Variants in STK10 observed in about 807,000 individuals in gnomAD.
The protein encoded by STK10 is serine/threonine-protein kinase 10.
A neutral mutation model predicts 113.8 loss-of-function variants in STK10; 78 were observed. The observed-to-expected ratio is 0.69, with a 90% CI of 0.57 to 0.83. The LOEUF is 0.83. STK10 is among the 40% of genes least tolerant of loss of function. The probability of loss-of-function intolerance (pLI) is 0.00; values close to 1 mark genes in which losing one functional copy is unlikely to be tolerated. For synonymous variants in STK10, 465 were observed against 494.7 expected, an observed-to-expected ratio of 0.94 and a Z score of 0.80; for missense variants, 1,109 against 1,280.1, an observed-to-expected ratio of 0.87 and a Z score of 2.04.
chr5:172,180,185 C>T lies in STK10; in HGVS notation c.156+7702G>A, dbSNP rs113460847. Among the ~76,000 whole-genome samples the T allele has an allele frequency of 8.0e-3, 1,215 of 152,290 alleles. 24 individuals carry two copies. Among genetic ancestry groups the T allele is most frequent in the African/African-American group, 0.027 (1,139 of 41,566 alleles). ...TTCCCTTTGAAAGTCCGGCCTAGGC[C>T]GGGCGTGGTGGCTCACGCCTGTAAT... On this transcript the variant is annotated intron_variant, in intron 1 of 18. Transcript: ENST00000176763.
rs371270215 is a variant in STK10, at chr5:172,096,429, G to T, written c.1002C>A (p.Ala334=). The change falls in exon 8 of 19, where the codon GCC becomes GCA. Residue 334 remains alanine (A), a synonymous_variant. Transcript: ENST00000176763. ...EGEEEDAVDA[A]STLENHTQNS... ...GCCCCACTCTCCCTGGCCTTACGGA[G>T]GCGGCATCCACGGCGTCCTCCTCTT... 30 of 1,612,122 alleles carry T rather than the reference G, an allele frequency of 1.9e-5. 1 individual carries two copies. In the South Asian group the frequency reaches 3.3e-4, roughly 18 times the overall value.
intron 3 of STK10, among the ~76,000 whole-genome samples, chr5:172,121,534 C>T (rs554784912): frequency 5.3e-5 from 8 of 150,374 alleles, no homozygotes; most frequent in African/African-American, 1.7e-4. Flanking sequence ...TGGCAGGGCG[C>T]GGTGGCTCAC....
chr5:172,047,303 G>T (rs1227379254), intron 18 of STK10, among the ~76,000 whole-genome samples: 1 of 152,184 alleles, frequency 6.6e-6, no homozygotes, highest in African/African-American at 2.4e-5. Context: ...CCTCCCCTGA[G>T]CCCAGGCCCC....
At chr5:172,067,116 G>A (rs900559591) in intron 12 of STK10, among the ~76,000 whole-genome samples, 5 of 152,166 alleles carry the variant, frequency 3.3e-5, no homozygotes, top group African/African-American at 4.8e-5. Flanking sequence ...CACTTTGGGA[G>A]GCTGGGTGGA....
chr5:172,050,768 A>G (rs934261653), intron 18 of STK10, among the ~76,000 whole-genome samples: 5 of 151,104 alleles, frequency 3.3e-5, no homozygotes, highest in African/African-American at 1.2e-4. Context: ...GCGGGAGTGC[A>G]GTAGTGCAAT....
intron 7 of STK10, among the ~76,000 whole-genome samples, chr5:172,103,602 C>T (rs1769040602): frequency 1.3e-5 from 2 of 152,104 alleles, no homozygotes; most frequent in African/African-American, 4.8e-5. Flanking sequence ...TTCGGGGGGC[C>T]CCAGCCCACT....
chr5:172,079,506 C>G (rs1768383242), intron 12 of STK10, among the ~76,000 whole-genome samples: 1 of 152,018 alleles, frequency 6.6e-6, no homozygotes. Flanking sequence ...TCTGGCTTCT[C>G]TGGAAATTAA....
rs572942635 is a variant in STK10 at position 172,056,685 on chromosome 5, G to T, written c.2337+664C>A. Among the ~76,000 whole-genome samples the T allele has an allele frequency of 3.1e-3, 473 of 150,528 alleles. 1 individual carries two copies. Among genetic ancestry groups the T allele is most frequent in the Non-Finnish European group, 4.4e-3 (298 of 67,614 alleles). On this transcript the variant is annotated intron_variant, in intron 15 of 18. Transcript: ENST00000176763. ...GGGTTTGAGACCAGCCTGGCCAACA[G>T]GGTGAAAGCCCAACTCTGCTAAAAA...
chr5:172,045,141 T>A (rs1767470508), intron 18 of STK10, 119 bp from the exon 19 acceptor site: 1 of 1,440,976 alleles, frequency 6.9e-7, no homozygotes, highest in Non-Finnish European at 9.3e-7. Flanking sequence ...CAGGCCTCAG[T>A]GCTTGAGAAA....
At chr5:172,171,400 C>T (rs2101595) in intron 1 of STK10, among the ~76,000 whole-genome samples, 70,792 of 151,944 alleles carry the variant, frequency 0.47, 18,388 homozygotes, top group African/African-American at 0.72. Flanking sequence ...ATGAGTTATA[C>T]GTGAAAGGCG....
intron 2 of STK10, among the ~76,000 whole-genome samples, chr5:172,149,192 C>A (rs7702537): frequency 0.13 from 19,382 of 152,208 alleles, 1,426 homozygotes; most frequent in South Asian, 0.2. Flanking sequence ...TCCCACAGAA[C>A]TGTGAGGATT....
intron 1 of STK10, among the ~76,000 whole-genome samples, chr5:172,165,351 T>C (rs1248179321): frequency 1.3e-5 from 2 of 152,184 alleles, no homozygotes; most frequent in African/African-American, 2.4e-5. Context: ...CAGGGTCCCA[T>C]CTGTGACACT....
intron 1 of STK10, among the ~76,000 whole-genome samples, chr5:172,158,627 AAAAC>A (rs1167265516): frequency 6.6e-6 from 1 of 152,196 alleles, no homozygotes; most frequent in Non-Finnish European, 1.5e-5. Context: ...ACTCCATCTC[AAAAC>A]AAACAAACAA....
intron 13 of STK10, 182 bp from the exon 14 acceptor site, chr5:172,061,450 C>T (rs1767935666): frequency 2.7e-6 from 2 of 734,128 alleles, no homozygotes; most frequent in Non-Finnish European, 4.2e-6. Flanking sequence ...AACATGTGGG[C>T]TTCATCTGGA....
intron 1 of STK10, among the ~76,000 whole-genome samples, chr5:172,185,471 G>C (rs1253847890): frequency 6.6e-6 from 1 of 152,086 alleles, no homozygotes; most frequent in Non-Finnish European, 1.5e-5. Context: ...GTTTCACCAT[G>C]TTGGCCAGTA....
At chr5:172,119,124 G>C (rs1239864236) in intron 3 of STK10, among the ~76,000 whole-genome samples, 1 of 152,116 alleles carries the variant, frequency 6.6e-6, no homozygotes, top group Non-Finnish European at 1.5e-5. Flanking sequence ...AGATCACTCA[G>C]TGTCCACCGA....
rs770131067 is a variant in STK10, at chr5:172,117,514, C to T, written c.487G>A (p.Val163Met). 24 of 1,612,984 alleles carry T rather than the reference C, an allele frequency of 1.5e-5. No homozygotes were observed. Among genetic ancestry groups the T allele is most frequent in the Non-Finnish European group, 1.9e-5 (23 of 1,179,980 alleles). The change falls in exon 4 of 19, where the codon GTG becomes ATG. Residue 163 changes from valine to methionine, a missense_variant. Around this residue, in one of 5 missense-constraint regions of STK10, gnomAD observed 44 missense variants for 84.4 expected, o/e 0.52. Coordinates refer to ENST00000176763, the MANE Select transcript of STK10 (RefSeq NM_005990.4). ...IIHRDLKAGN[V>M]LMTLEGDIRL... ...ATGTCTCCCTCGAGGGTCATCAGCA[C>T]GTTGCCAGCTTTCAGATCTCGGTGG...
chr5:172,176,820 A>C (rs1268643050), intron 1 of STK10, among the ~76,000 whole-genome samples: 4 of 152,220 alleles, frequency 2.6e-5, no homozygotes, highest in Non-Finnish European at 5.9e-5. Context: ...AGGTGATAGC[A>C]TTAGAAGGAG....
intron 4 of STK10, among the ~76,000 whole-genome samples, chr5:172,115,696 C>CT: frequency 6.6e-6 from 1 of 152,210 alleles, no homozygotes; most frequent in East Asian, 1.9e-4. Context: ...AGTTGTTCCT[C>CT]TTATCGGCAA....
Sources: gnomAD v4.1 joint callset for allele counts (sites outside exome capture counted in the v4.1 genomes callset) on GRCh38, gnomAD v4.1.1 for gene constraint, gnomAD v4.1.1 regional missense constraint, MANE v1.5 for transcripts, NCBI Gene and HGNC (gene_info 2026-07-23, HGNC 2026-07-21) for gene names.